Variants in CAPN7 observed in about 807,000 individuals in gnomAD.
CAPN7 encodes the protein calpain-7.
In CAPN7, 72 loss-of-function variants were observed where a neutral mutation model predicts 115.2. The ratio of observed to expected loss-of-function variants is 0.63; its 90% CI spans 0.52 to 0.76. The LOEUF (loss-of-function observed/expected upper bound fraction) is 0.76. Ranked by LOEUF, CAPN7 falls within the 30% of genes least tolerant of loss-of-function variation. CAPN7 has a pLI of 0.00. For synonymous variants in CAPN7, 344 were observed against 322.3 expected (o/e 1.07, Z -0.72); for missense variants, 905 against 971.5 (o/e 0.93, Z 0.91).
chr3:15,245,496 TTTTCTC>T, intron 16 of CAPN7, 24 bp from the exon 17 acceptor site: 1 of 1,582,978 alleles, frequency 6.3e-7, no homozygotes, highest in Non-Finnish European at 8.6e-7. Flanking sequence ...AAAAGTCTCC[TTTTCTC>T]TAAGCCTACT....
intron 15 of CAPN7, 124 bp downstream of exon 15, chr3:15,241,712 C>T: frequency 1.4e-6 from 1 of 720,590 alleles, no homozygotes; most frequent in Non-Finnish European, 2.2e-6. Flanking sequence ...ATAGTGTTTT[C>T]TCAGATAAAT....
At chr3:15,225,339 T>C (rs1158357697) in intron 6 of CAPN7, among the ~76,000 whole-genome samples, 1 of 152,220 alleles carries the variant, frequency 6.6e-6, no homozygotes, top group Admixed American at 6.5e-5. Context: ...CGATTTATCA[T>C]TGTTGTTATA....
chr3:15,218,713 G>C (rs1693788233), intron 4 of CAPN7, among the ~76,000 whole-genome samples, 173 bp downstream of exon 4: 2 of 152,154 alleles, frequency 1.3e-5, no homozygotes, highest in African/African-American at 4.8e-5. Flanking sequence ...CTAGTTCCCT[G>C]CTTTAAACTC....
At chr3:15,240,968 G>A (rs1695308182) in intron 14 of CAPN7, 115 bp downstream of exon 14, 1 of 633,340 alleles carries the variant, frequency 1.6e-6, no homozygotes, top group Non-Finnish European at 2.7e-6. Flanking sequence ...ACTTTGGGAG[G>A]CCGAGGTGGG....
intron 12 of CAPN7, among the ~76,000 whole-genome samples, chr3:15,237,555 T>G (rs1695065748): frequency 6.6e-6 from 1 of 152,222 alleles, no homozygotes; most frequent in Non-Finnish European, 1.5e-5. Context: ...TAGAATTGCT[T>G]CTTTAAAAGT....
chr3:15,219,087 T>C lies in CAPN7; in HGVS notation c.437+547T>C, dbSNP rs529718652. The stretch of plus-strand genomic sequence containing the variant: ...GTCTGTGAGATTTACTAGCTTATTA[T>C]ATTTGTTGTTAATGTCTGTGTCCCC... On this transcript the variant is annotated intron_variant, in intron 4 of 20. Transcript: ENST00000253693. 4.6e-5 allele frequency among the ~76,000 whole-genome samples: 7 copies of C among 152,340 alleles called. No individual in the cohort carries two copies. In the East Asian group the frequency reaches 9.6e-4, roughly 21 times the overall value.
intron 16 of CAPN7, among the ~76,000 whole-genome samples, chr3:15,244,096 T>G (rs551985043): frequency 6.6e-6 from 1 of 152,310 alleles, no homozygotes; most frequent in East Asian, 1.9e-4. Context: ...TGTTGACAGT[T>G]CTTGCAAGAA....
Position 15,240,952 on chromosome 3 carries a change from C to T in CAPN7, c.1652+99C>T, listed in dbSNP as rs564183500. The T allele has an allele frequency of 3.8e-5, 28 of 744,818 alleles. No individual in the cohort carries two copies. In the Admixed American group the frequency reaches 5.3e-4, roughly 14 times the overall value. The allele number at this position is 744,818 out of a possible 1,614,324, so 46.1% of individuals were successfully genotyped here. On this transcript the variant is annotated intron_variant, in intron 14 of 20. Transcript: ENST00000253693. ...AGGCGCAGTGGCTCATGCCTGTAAT[C>T]CCAGCACTTTGGGAGGCCGAGGTGG... is the stretch of plus-strand genomic sequence containing the variant.
chr3:15,249,030 A>AAAC (rs1695847299), intron 19 of CAPN7, among the ~76,000 whole-genome samples: 1 of 150,588 alleles, frequency 6.6e-6, no homozygotes, highest in African/African-American at 2.4e-5. Flanking sequence ...AAAAACAAAA[A>AAAC]CAGAATACAA....
chr3:15,246,716 C>A lies in CAPN7; in HGVS notation c.2011-16C>A. ...TAAGTGTAAAATTTATCAATACAGT[C>A]TTTTTTTAAATCTAGGTATATTCAG... On this transcript the variant is annotated splice_polypyrimidine_tract_variant and intron_variant, in intron 17 of 20. Coordinates refer to ENST00000253693, the MANE Select transcript of CAPN7 (RefSeq NM_014296.3). 1 of 1,551,560 alleles carries A rather than the reference C, an allele frequency of 6.4e-7. No homozygotes were observed. Among genetic ancestry groups the A allele is most frequent in the Non-Finnish European group, 8.9e-7 (1 of 1,125,532 alleles).
At chr3:15,244,365 T>C (rs1037462083) in intron 16 of CAPN7, among the ~76,000 whole-genome samples, 1 of 152,206 alleles carries the variant, frequency 6.6e-6, no homozygotes, top group African/African-American at 2.4e-5. Context: ...TGATTTTGCC[T>C]TTTCAGAATA....
chr3:15,230,682 A>G (rs1433505620), intron 9 of CAPN7, 147 bp downstream of exon 9: 6 of 511,112 alleles, frequency 1.2e-5, no homozygotes, highest in Non-Finnish European at 1.8e-5. Flanking sequence ...CAGTAGCATC[A>G]TGTGTTAATC....
chr3:15,240,396 C>T, intron 12 of CAPN7, 77 bp from the exon 13 acceptor site: 1 of 1,281,414 alleles, frequency 7.8e-7, no homozygotes, highest in Non-Finnish European at 1.1e-6. Context: ...GTACTCAGTT[C>T]ATCCTCTAAT....
intron 8 of CAPN7, 49 bp from the exon 9 acceptor site, chr3:15,230,393 A>T (rs1295901451): frequency 8.3e-7 from 1 of 1,206,112 alleles, no homozygotes; most frequent in South Asian, 1.2e-5. Context: ...ATAGTAGTTG[A>T]TATTGAATAC....
chr3:15,222,089 T>C (rs1237366664), intron 5 of CAPN7, among the ~76,000 whole-genome samples: 1 of 147,552 alleles, frequency 6.8e-6, no homozygotes, highest in African/African-American at 2.6e-5. Context: ...AAAAAAAGAA[T>C]ATATGACAGA....
intron 19 of CAPN7, among the ~76,000 whole-genome samples, chr3:15,247,974 A>T (rs963145105): frequency 1.3e-5 from 2 of 151,066 alleles, no homozygotes; most frequent in Non-Finnish European, 2.9e-5. Context: ...GAATTGAACA[A>T]TGAGATCACA....
Position 15,206,434 on chromosome 3 carries a change from T to A in CAPN7, c.-62T>A. 7.7e-7 allele frequency: 1 copy of A among 1,299,300 alleles called. No individual in the cohort carries two copies. The highest frequency in any genetic ancestry group is 1.1e-6 in the Non-Finnish European group (1 of 935,998). 80.5% of individuals were successfully genotyped at this position (1,299,300 alleles called of 1,614,324 possible). A position where few individuals can be genotyped will look rare whatever the true frequency, so the allele number is the denominator to read the frequency against. On this transcript the variant is annotated 5_prime_UTR_variant, in exon 1 of 21. Coordinates refer to ENST00000253693, the MANE Select transcript of CAPN7 (RefSeq NM_014296.3). Reference sequence around the variant, plus strand: ...CCTCGCCGCCGCCGGGCCGCCGCAGTCCGCGAAGAGCCGTCCTGCGTCAGG... The same window carrying A: ...CCTCGCCGCCGCCGGGCCGCCGCAGACCGCGAAGAGCCGTCCTGCGTCAGG...
intron 10 of CAPN7, among the ~76,000 whole-genome samples, chr3:15,233,109 T>C (rs754302143): frequency 3.3e-5 from 5 of 152,044 alleles, no homozygotes; most frequent in African/African-American, 4.8e-5. Flanking sequence ...TTGGCATGAC[T>C]TTAAATTCTT....
intron 17 of CAPN7, 171 bp downstream of exon 17, chr3:15,245,842 C>T (rs760924325): frequency 3.9e-6 from 2 of 508,086 alleles, no homozygotes; most frequent in East Asian, 3.4e-5. Flanking sequence ...GAAAATAATA[C>T]ATTTGAAAAG....
Sources: gnomAD v4.1 joint callset for allele counts (sites outside exome capture counted in the v4.1 genomes callset) on GRCh38, gnomAD v4.1.1 for gene constraint, MANE v1.5 for transcripts, NCBI Gene and HGNC (gene_info 2026-07-23, HGNC 2026-07-21) for gene names.